STARD6: variants seen among roughly 807,000 people sequenced by gnomAD.
STARD6 encodes StAR related lipid transfer domain containing 6, also known as stAR-related lipid transfer protein 6.
STARD6 carries 21 observed loss-of-function variants against 22.3 expected under a neutral mutation model. The ratio of observed to expected loss-of-function variants is 0.94; its 90% CI spans 0.67 to 1.35. The LOEUF is 1.35. Among genes scored for constraint, STARD6 ranks in the 40% most tolerant of loss-of-function variants. The pLI, the probability that STARD6 is intolerant of heterozygous loss-of-function variation, is 0.00. For missense variants in STARD6, 269 were observed against 266.9 expected (o/e 1.01, Z -0.05); for synonymous variants, 80 against 88.1 (o/e 0.91, Z 0.52).
intron 2 of STARD6, chr18:54,355,772 A>G (rs1400770651): frequency 2.0e-5 from 3 of 152,224 alleles, no homozygotes; most frequent in Non-Finnish European, 4.4e-5. Flanking sequence ...AGACATAACT[A>G]TTACTGCTGT....
chr18:54,332,583 C>A (rs562563102), intron 5 of STARD6, among the ~76,000 whole-genome samples: 27 of 152,334 alleles, frequency 1.8e-4, no homozygotes, highest in African/African-American at 6.5e-4. Context: ...TCCCATGTTG[C>A]CCTGTGTGGC....
At chr18:54,342,530 T>C (rs1324146155) in intron 4 of STARD6, among the ~76,000 whole-genome samples, 1 of 136,164 alleles carries the variant, frequency 7.3e-6, no homozygotes, top group African/African-American at 3.0e-5. Flanking sequence ...GAGCCGAAGC[T>C]GGACTGTACT....
At chr18:54,351,197 C>G (rs768808544) in intron 4 of STARD6, among the ~76,000 whole-genome samples, 6 of 152,130 alleles carry the variant, frequency 3.9e-5, no homozygotes, top group Admixed American at 2.0e-4. Flanking sequence ...CTCTCACCAT[C>G]TTGCTTAGAT....
chr18:54,340,248 C>T (rs1212359367), intron 4 of STARD6, among the ~76,000 whole-genome samples: 4 of 151,846 alleles, frequency 2.6e-5, no homozygotes, highest in Non-Finnish European at 5.9e-5. Flanking sequence ...ATATGTGCAA[C>T]AAAAAACAGC....
chr18:54,352,133 T>TCAATAAATAA (rs2089104031), intron 4 of STARD6, among the ~76,000 whole-genome samples: 1 of 151,936 alleles, frequency 6.6e-6, no homozygotes, highest in Non-Finnish European at 1.5e-5. Context: ...GTTTTTGTTT[T>TCAATAAATAA]TTTTTTTCAG....
At chr18:54,354,173 C>T in intron 3 of STARD6, 70 bp from the exon 4 acceptor site, 1 of 1,042,196 alleles carries the variant, frequency 9.6e-7, no homozygotes, top group Non-Finnish European at 1.4e-6. Flanking sequence ...GAAAAACTAA[C>T]AAAAGTAAAA....
At chr18:54,327,138 A>C (rs576029495) in intron 7 of STARD6, among the ~76,000 whole-genome samples, 1 of 152,366 alleles carries the variant, frequency 6.6e-6, no homozygotes, top group South Asian at 2.1e-4. Context: ...AATTGTTTAT[A>C]ATAGTGCCTA....
chr18:54,354,642 C>A, intron 2 of STARD6, 65 bp from the exon 3 acceptor site: 1 of 1,119,446 alleles, frequency 8.9e-7, no homozygotes, highest in Non-Finnish European at 1.3e-6. Flanking sequence ...AAAGTGCTAT[C>A]TTACATTTTA....
rs189611712 is a variant in STARD6 at position 54,348,103 on chromosome 18, C to T, written c.140+5951G>A. 1.8e-4 allele frequency among the ~76,000 whole-genome samples: 27 copies of T among 152,196 alleles called. No homozygotes were observed. In the East Asian group the frequency reaches 4.8e-3, roughly 27 times the overall value. On this transcript the variant is annotated intron_variant, in intron 4 of 7. Coordinates refer to ENST00000307844, the MANE Select transcript of STARD6 (RefSeq NM_139171.2). ...ATCTTCTGCTATGATTGTGAGACCT[C>T]CCCAGCTACATGGAACTGAGTCCAT... is the stretch of plus-strand genomic sequence containing the variant.
intron 4 of STARD6, among the ~76,000 whole-genome samples, chr18:54,351,434 C>T (rs2089094987): frequency 6.6e-6 from 1 of 151,984 alleles, no homozygotes; most frequent in South Asian, 2.1e-4. Flanking sequence ...GTCTGTCTTC[C>T]TCTTTACCCA....
Position 54,348,906 on chromosome 18 carries a change from T to C in STARD6, c.140+5148A>G, listed in dbSNP as rs139568499. ...AAAAATTATCTTGAGTTTATTTTTTTGTACTGCAGTTATAAGATATATAAC... is the reference window on the plus strand; with the variant it reads ...AAAAATTATCTTGAGTTTATTTTTTCGTACTGCAGTTATAAGATATATAAC... On this transcript the variant is annotated intron_variant, in intron 4 of 7. Coordinates refer to ENST00000307844, the MANE Select transcript of STARD6 (RefSeq NM_139171.2). 2.8e-3 allele frequency among the ~76,000 whole-genome samples: 431 copies of C among 152,294 alleles called. 4 individuals carry two copies. The highest frequency in any genetic ancestry group is 9.8e-3 in the African/African-American group (407 of 41,572).
At chr18:54,332,180 C>T (rs538307432) in intron 5 of STARD6, among the ~76,000 whole-genome samples, 1 of 152,104 alleles carries the variant, frequency 6.6e-6, no homozygotes, top group African/African-American at 2.4e-5. Context: ...TCCTGATTCC[C>T]CATACAGTAC....
chr18:54,324,689 G>T lies in STARD6; in HGVS notation c.*3C>A. On this transcript the variant is annotated 3_prime_UTR_variant, in exon 8 of 8. Coordinates refer to ENST00000307844, the MANE Select transcript of STARD6 (RefSeq NM_139171.2). Reference sequence around the variant, plus strand: ...CAGAACGGCCTCATTTCTTCTTTTGGTATCATGAATGACTATTATGATGAA... The same window carrying T: ...CAGAACGGCCTCATTTCTTCTTTTGTTATCATGAATGACTATTATGATGAA... The T allele has an allele frequency of 6.2e-7, 1 of 1,611,274 alleles. No homozygotes were observed. Among genetic ancestry groups the T allele is most frequent in the Non-Finnish European group, 8.5e-7 (1 of 1,178,870 alleles).
intron 5 of STARD6, among the ~76,000 whole-genome samples, chr18:54,336,872 C>T (rs963316418): frequency 2.6e-5 from 4 of 152,172 alleles, no homozygotes; most frequent in African/African-American, 9.7e-5. Flanking sequence ...AGTTCTGTTC[C>T]TTTATAACAA....
chr18:54,329,313 C>T (rs1209096939), intron 7 of STARD6, 34 bp downstream of exon 7: 3 of 1,487,508 alleles, frequency 2.0e-6, no homozygotes, highest in African/African-American at 1.4e-5. Context: ...ACTAAAAAAA[C>T]CTGTTAAAAT....
chr18:54,329,848 G>A (rs2088852277), intron 6 of STARD6, among the ~76,000 whole-genome samples: 1 of 151,458 alleles, frequency 6.6e-6, no homozygotes, highest in African/African-American at 2.4e-5. Flanking sequence ...CTAGGGTCCT[G>A]GGTTCATAGA....
At chr18:54,327,530 A>G (rs551881736) in intron 7 of STARD6, among the ~76,000 whole-genome samples, 5 of 152,320 alleles carry the variant, frequency 3.3e-5, no homozygotes, top group South Asian at 2.1e-4. Context: ...GAATAATTTA[A>G]TGGTGGGTTT....
chr18:54,351,402 A>G (rs2089094737), intron 4 of STARD6, among the ~76,000 whole-genome samples: 1 of 152,204 alleles, frequency 6.6e-6, no homozygotes, highest in Non-Finnish European at 1.5e-5. Context: ...GTATACAATC[A>G]TATCACTGAT....
intron 4 of STARD6, among the ~76,000 whole-genome samples, chr18:54,348,018 T>G (rs2089054395): frequency 6.6e-6 from 1 of 151,854 alleles, no homozygotes; most frequent in African/African-American, 2.4e-5. Flanking sequence ...TTATAAGGGG[T>G]TTCCCTTTTC....
Sources: allele counts gnomAD v4.1 joint callset (sites outside exome capture counted in the v4.1 genomes callset), GRCh38; gene constraint gnomAD v4.1.1; transcripts MANE v1.5; gene names NCBI Gene and HGNC (gene_info 2026-07-23, HGNC 2026-07-21).